Variants in EPHA6 observed in about 807,000 individuals in gnomAD.
EPHA6 encodes the protein ephrin type-A receptor 6.
A neutral mutation model predicts 112.0 loss-of-function variants in EPHA6; 50 were observed. The observed-to-expected ratio is 0.45, with a 90% CI of 0.36 to 0.56. The LOEUF (loss-of-function observed/expected upper bound fraction) is 0.56. Among genes scored for constraint, EPHA6 ranks in the 20% least tolerant of loss-of-function variants. The pLI, the probability that EPHA6 is intolerant of heterozygous loss-of-function variation, is 0.00. For missense variants in EPHA6, 1,280 were observed against 1,417.4 expected, an observed-to-expected ratio of 0.90 and a Z score of 1.56; for synonymous variants, 529 against 490.7, an observed-to-expected ratio of 1.08 and a Z score of -1.03.
At chr3:97,694,898 C>T (rs901723841) in intron 14 of EPHA6, among the ~76,000 whole-genome samples, 1 of 152,168 alleles carries the variant, frequency 6.6e-6, no homozygotes, top group East Asian at 1.9e-4. Context: ...GACCTTCATG[C>T]GAATTCCACA....
At chr3:97,003,609 G>A (rs1205885566) in intron 3 of EPHA6, among the ~76,000 whole-genome samples, 2 of 152,112 alleles carry the variant, frequency 1.3e-5, no homozygotes, top group Non-Finnish European at 2.9e-5. Context: ...ATTTATAACT[G>A]TAGTGAAGCA....
At chr3:97,669,595 TAA>T (rs77846776) in intron 14 of EPHA6, among the ~76,000 whole-genome samples, 36 of 135,702 alleles carry the variant, frequency 2.7e-4, no homozygotes, top group Non-Finnish European at 2.7e-4. Context: ...TATCCCATCT[TAA>T]AAAAAAAAAA....
At chr3:97,350,379 T>G (rs1400014718) in intron 5 of EPHA6, among the ~76,000 whole-genome samples, 1 of 152,112 alleles carries the variant, frequency 6.6e-6, no homozygotes, top group Non-Finnish European at 1.5e-5. Flanking sequence ...ATGCAGAACA[T>G]TTTAAAAGAC....
chr3:97,229,642 A>G (rs2078464095), intron 4 of EPHA6, among the ~76,000 whole-genome samples: 1 of 152,106 alleles, frequency 6.6e-6, no homozygotes, highest in Admixed American at 6.6e-5. Flanking sequence ...AATGTCACAT[A>G]TTTCTTAGAG....
chr3:97,469,365 G>C (rs1276581444), intron 7 of EPHA6, among the ~76,000 whole-genome samples: 4 of 151,528 alleles, frequency 2.6e-5, no homozygotes, highest in African/African-American at 9.7e-5. Flanking sequence ...TTATGAACTT[G>C]GAAATCAATA....
At chr3:97,221,479 G>A (rs184990587) in intron 3 of EPHA6, among the ~76,000 whole-genome samples, 34 of 151,992 alleles carry the variant, frequency 2.2e-4, no homozygotes, top group African/African-American at 7.0e-4. Context: ...ATCTCCACTC[G>A]CTTGTTTCTT....
Position 96,937,434 on chromosome 3 carries a change from G to A in EPHA6, c.451-49896G>A, listed in dbSNP as rs190035524. Among the ~76,000 whole-genome samples the A allele has an allele frequency of 3.4e-3, 498 of 146,414 alleles. 7 individuals are homozygous for A. The highest frequency in any genetic ancestry group is 0.013 in the African/African-American group (464 of 36,846). ...TGAGAAGTGTCTGTTCATATCCTTC[G>A]CCCACTTTTTGATGGGGTTGTTTGT... On this transcript the variant is annotated intron_variant, in intron 2 of 17. Transcript: ENST00000389672.
chr3:97,078,165 CAT>C (rs1559713319), intron 3 of EPHA6, among the ~76,000 whole-genome samples: 2 of 152,052 alleles, frequency 1.3e-5, no homozygotes, highest in African/African-American at 2.4e-5. Flanking sequence ...CATTTTTTCA[CAT>C]GTCTGTTGGC....
chr3:96,876,415 G>C (rs967141495), intron 2 of EPHA6, among the ~76,000 whole-genome samples: 4 of 150,802 alleles, frequency 2.7e-5, no homozygotes, highest in Non-Finnish European at 4.4e-5. Context: ...TCCTCTCCAA[G>C]TTACCATAGT....
At chr3:97,530,023 G>A (rs1435263604) in intron 10 of EPHA6, among the ~76,000 whole-genome samples, 1 of 151,912 alleles carries the variant, frequency 6.6e-6, no homozygotes, top group East Asian at 1.9e-4. Context: ...GCTCCTGGTG[G>A]GTGAGGGTTT....
At chr3:96,866,403 A>G (rs941847215) in intron 1 of EPHA6, among the ~76,000 whole-genome samples, 1 of 152,002 alleles carries the variant, frequency 6.6e-6, no homozygotes, top group East Asian at 1.9e-4. Flanking sequence ...GATAATATAT[A>G]AGGACATTTA....
At chr3:97,353,866 G>C (rs2083930417) in intron 5 of EPHA6, among the ~76,000 whole-genome samples, 2 of 152,174 alleles carry the variant, frequency 1.3e-5, no homozygotes, top group African/African-American at 4.8e-5. Flanking sequence ...CATAGTCCCA[G>C]TGGTGGTGGC....
chr3:97,319,513 CA>C (rs1238618818), intron 5 of EPHA6, among the ~76,000 whole-genome samples: 15 of 150,442 alleles, frequency 1.0e-4, no homozygotes, highest in African/African-American at 3.4e-4. Flanking sequence ...ACTAAAAATG[CA>C]AAAAAATTAG....
chr3:96,994,763 C>CGAGCGAGA (rs1553684583), intron 3 of EPHA6, among the ~76,000 whole-genome samples: 2 of 50,394 alleles, frequency 4.0e-5, no homozygotes, highest in Admixed American at 2.0e-4. Context: ...AGAGAGAGAG[C>CGAGCGAGA]TATATATATA....
Position 97,248,207 on chromosome 3 carries a change from C to T in EPHA6, c.1606+3920C>T, listed in dbSNP as rs192952083. 2.6e-3 allele frequency among the ~76,000 whole-genome samples: 396 copies of T among 152,108 alleles called. 3 individuals are homozygous for T. Among genetic ancestry groups the T allele is most frequent in the African/African-American group, 8.5e-3 (355 of 41,546 alleles). The stretch of plus-strand genomic sequence containing the variant: ...ATTATGAAGTTAAAACTATGACTTT[C>T]ATCATAAGGAATCTTTGCAATAAAT... On this transcript the variant is annotated intron_variant, in intron 5 of 17. Transcript: ENST00000389672.
intron 5 of EPHA6, among the ~76,000 whole-genome samples, chr3:97,342,115 T>C (rs1201441131): frequency 1.3e-5 from 2 of 152,224 alleles, no homozygotes; most frequent in African/African-American, 4.8e-5. Flanking sequence ...AAATTATTAT[T>C]AAGCAAAGAG....
chr3:97,143,678 T>G (rs995910496), intron 3 of EPHA6, among the ~76,000 whole-genome samples: 1 of 151,802 alleles, frequency 6.6e-6, no homozygotes, highest in African/African-American at 2.4e-5. Context: ...ATATATAGTA[T>G]TATTGTTATT....
intron 3 of EPHA6, 125 bp downstream of exon 3, chr3:96,988,118 A>G: frequency 3.0e-6 from 2 of 656,952 alleles, no homozygotes; most frequent in Non-Finnish European, 4.9e-6. Flanking sequence ...TGATACATAT[A>G]ATGTATACTG....
chr3:97,471,137 G>T (rs1335690212), intron 7 of EPHA6, among the ~76,000 whole-genome samples: 1 of 151,654 alleles, frequency 6.6e-6, no homozygotes, highest in Non-Finnish European at 1.5e-5. Flanking sequence ...TAACTTCATG[G>T]TTTGCTTATT....
Sources: allele counts gnomAD v4.1 joint callset (sites outside exome capture counted in the v4.1 genomes callset), GRCh38; gene constraint gnomAD v4.1.1; transcripts MANE v1.5; gene names NCBI Gene and HGNC (gene_info 2026-07-23, HGNC 2026-07-21).